The following RTF2 variants were observed in gnomAD, a reference collection of about 807,000 sequenced individuals.
RTF2 encodes replication termination factor 2.
In RTF2, 18 loss-of-function variants were observed where a neutral mutation model predicts 38.0. The ratio of observed to expected loss-of-function variants is 0.47; its 90% CI spans 0.33 to 0.70. The LOEUF is 0.70. RTF2 is among the 30% of genes least tolerant of loss of function. The pLI, the probability that RTF2 is intolerant of heterozygous loss-of-function variation, is 0.02. For missense variants in RTF2, 311 were observed against 379.6 expected, an observed-to-expected ratio of 0.82 and a Z score of 1.50; for synonymous variants, 126 against 137.1, an observed-to-expected ratio of 0.92 and a Z score of 0.57.
At chr20:56,468,953 C>A (rs1208897782) in intron 1 of RTF2, among the ~76,000 whole-genome samples, 187 bp downstream of exon 1, 1 of 152,168 alleles carries the variant, frequency 6.6e-6, no homozygotes, top group Non-Finnish European at 1.5e-5. Flanking sequence ...CTGACTATTG[C>A]CATTCACTGG....
At chr20:56,515,050 A>G (rs540554473) in intron 6 of RTF2, among the ~76,000 whole-genome samples, 2 of 151,764 alleles carry the variant, frequency 1.3e-5, no homozygotes, top group Non-Finnish European at 2.9e-5. Flanking sequence ...AAAAAAAAAA[A>G]GCCGCTTGGC....
chr20:56,509,031 TA>T (rs1363105960), intron 5 of RTF2, among the ~76,000 whole-genome samples: 3 of 152,142 alleles, frequency 2.0e-5, no homozygotes, highest in African/African-American at 2.4e-5. Context: ...TTCATCAAAA[TA>T]AAAAACTTTT....
intron 1 of RTF2, chr20:56,472,476 G>A (rs1288704738): frequency 2.2e-6 from 2 of 905,686 alleles, no homozygotes; most frequent in Non-Finnish European, 3.6e-6. Context: ...TCATACTGGG[G>A]ATAAAGTTTG....
chr20:56,488,485 T>C (rs1438631840), intron 5 of RTF2, among the ~76,000 whole-genome samples: 1 of 152,144 alleles, frequency 6.6e-6, no homozygotes, highest in East Asian at 1.9e-4. Context: ...TGTTTTAAAG[T>C]TAGAAGTCAA....
At chr20:56,483,189 A>G (rs1295177859) in intron 4 of RTF2, among the ~76,000 whole-genome samples, 1 of 152,112 alleles carries the variant, frequency 6.6e-6, no homozygotes, top group Non-Finnish European at 1.5e-5. Flanking sequence ...ACATTTGCAC[A>G]CTTGTGGGCA....
intron 4 of RTF2, among the ~76,000 whole-genome samples, chr20:56,483,120 G>A (rs1982609988): frequency 6.6e-6 from 1 of 152,070 alleles, no homozygotes; most frequent in African/African-American, 2.4e-5. Flanking sequence ...CATGTAGGTG[G>A]CCTCCTTCCT....
At chr20:56,514,189 T>C (rs1984871315) in intron 6 of RTF2, 1 of 152,122 alleles carries the variant, frequency 6.6e-6, no homozygotes, top group South Asian at 2.1e-4. Context: ...AGGGAAAGCA[T>C]TGCTGAGTAA....
intron 5 of RTF2, among the ~76,000 whole-genome samples, chr20:56,510,668 G>A (rs1270891905): frequency 1.3e-5 from 2 of 152,236 alleles, no homozygotes; most frequent in Non-Finnish European, 2.9e-5. Flanking sequence ...GGCTAGGCAT[G>A]GTGGCTCACG....
intron 1 of RTF2, among the ~76,000 whole-genome samples, chr20:56,470,389 A>G (rs541302711): frequency 6.6e-6 from 1 of 152,310 alleles, no homozygotes; most frequent in African/African-American, 2.4e-5. Flanking sequence ...GATTTTTATT[A>G]TAACTATTCA....
intron 6 of RTF2, among the ~76,000 whole-genome samples, chr20:56,514,873 T>C (rs1984919431): frequency 6.6e-6 from 1 of 152,212 alleles, no homozygotes; most frequent in African/African-American, 2.4e-5. Context: ...ACAACATTCC[T>C]AACAACTGTT....
At chr20:56,493,260 T>G (rs1983289236) in intron 5 of RTF2, among the ~76,000 whole-genome samples, 2 of 152,214 alleles carry the variant, frequency 1.3e-5, no homozygotes, top group Non-Finnish European at 2.9e-5. Flanking sequence ...TTTCTAAGAC[T>G]ATGTAAGTGG....
At chr20:56,485,638 A>T (rs1251891436) in intron 5 of RTF2, among the ~76,000 whole-genome samples, 1 of 152,210 alleles carries the variant, frequency 6.6e-6, no homozygotes, top group Non-Finnish European at 1.5e-5. Context: ...GTGACTATGA[A>T]TAAAGCCTTC....
At chr20:56,475,525 A>G (rs2086324772) in intron 3 of RTF2, among the ~76,000 whole-genome samples, 1 of 152,216 alleles carries the variant, frequency 6.6e-6, no homozygotes, top group Non-Finnish European at 1.5e-5. Context: ...AAATGTAGCT[A>G]ATGATAGTGC....
chr20:56,488,026 G>A (rs541166905), intron 5 of RTF2, among the ~76,000 whole-genome samples: 3 of 152,098 alleles, frequency 2.0e-5, no homozygotes, highest in Admixed American at 6.5e-5. Context: ...TTTGCAGGGG[G>A]GCATAATTCA....
At chr20:56,478,516 A>G (rs551188714) in intron 4 of RTF2, among the ~76,000 whole-genome samples, 1 of 152,318 alleles carries the variant, frequency 6.6e-6, no homozygotes, top group African/African-American at 2.4e-5. Context: ...TGTTTATACT[A>G]TAGTCTAGTC....
At chr20:56,517,298 A>G in intron 8 of RTF2, 97 bp downstream of exon 8, 1 of 901,372 alleles carries the variant, frequency 1.1e-6, no homozygotes. Context: ...TGGGAAGCCC[A>G]AGCCTGTCCT....
intron 6 of RTF2, among the ~76,000 whole-genome samples, chr20:56,515,011 C>A (rs1984933641): frequency 6.6e-6 from 1 of 150,752 alleles, no homozygotes; most frequent in African/African-American, 2.4e-5. Flanking sequence ...CGCACCTCTG[C>A]ACTCCAGCCT....
intron 4 of RTF2, among the ~76,000 whole-genome samples, chr20:56,480,698 T>G (rs1982487324): frequency 6.6e-6 from 1 of 152,200 alleles, no homozygotes; most frequent in Non-Finnish European, 1.5e-5. Flanking sequence ...AAGGCCATTG[T>G]AGGGTTCTCA....
intron 1 of RTF2, among the ~76,000 whole-genome samples, chr20:56,469,401 A>G (rs185752006): frequency 1.3e-5 from 2 of 152,354 alleles, no homozygotes; most frequent in East Asian, 3.9e-4. Flanking sequence ...TGATCTCACA[A>G]GTAATCGAGG....
Sources: gnomAD v4.1 joint callset for allele counts (sites outside exome capture counted in the v4.1 genomes callset) on GRCh38, gnomAD v4.1.1 for gene constraint, MANE v1.5 for transcripts, NCBI Gene and HGNC (gene_info 2026-07-23, HGNC 2026-07-21) for gene names.